DOCK6: variants seen among roughly 807,000 people sequenced by gnomAD.
DOCK6 encodes the protein dedicator of cytokinesis protein 6.
DOCK6 carries 167 observed loss-of-function variants against 230.3 expected under a neutral mutation model. That is an observed-to-expected ratio of 0.73 (90% CI 0.64 to 0.82). The LOEUF (loss-of-function observed/expected upper bound fraction) is 0.82, where lower values mean the gene tolerates loss of function less well. Ranked by LOEUF, DOCK6 falls within the 40% of genes least tolerant of loss-of-function variation. The pLI is 0.00. For synonymous variants in DOCK6, 1,148 were observed against 1,185.0 expected, an observed-to-expected ratio of 0.97 and a Z score of 0.64; for missense variants, 2,598 against 2,825.8, an observed-to-expected ratio of 0.92 and a Z score of 1.83.
At chr19:11,249,374 A>G (rs771180800) in intron 6 of DOCK6, among the ~76,000 whole-genome samples, 7 of 151,604 alleles carry the variant, frequency 4.6e-5, no homozygotes, top group Non-Finnish European at 8.8e-5. Flanking sequence ...AGCCAGGCAT[A>G]GTGGCACGTG....
At chr19:11,241,952 G>A in intron 14 of DOCK6, 93 bp downstream of exon 14, 1 of 1,446,860 alleles carries the variant, frequency 6.9e-7, no homozygotes, top group Non-Finnish European at 9.3e-7. Flanking sequence ...CACCCAGGGT[G>A]TCTGTGTGTG....
chr19:11,207,748 C>G (rs1304719037), intron 39 of DOCK6, among the ~76,000 whole-genome samples: 3 of 151,592 alleles, frequency 2.0e-5, no homozygotes, highest in Non-Finnish European at 4.4e-5. Flanking sequence ...GGAAACATGG[C>G]AAAACCCCGT....
intron 28 of DOCK6, among the ~76,000 whole-genome samples, chr19:11,220,049 G>A (rs1219242465): frequency 6.6e-6 from 1 of 151,806 alleles, no homozygotes; most frequent in Non-Finnish European, 1.5e-5. Flanking sequence ...CATCTCCCAG[G>A]TTCAAGCGAT....
In DOCK6 at chr19:11,246,213, C is replaced by A. The variant is rs553098672; in HGVS notation, c.807-335G>T. Among the ~76,000 whole-genome samples, 158 of 151,844 alleles carry A rather than the reference C, an allele frequency of 1.0e-3. 2 individuals are homozygous for A. The highest frequency in any genetic ancestry group is 3.5e-3 in the African/African-American group (143 of 41,390). On this transcript the variant is annotated intron_variant, in intron 7 of 47. Coordinates refer to ENST00000294618, the MANE Select transcript of DOCK6 (RefSeq NM_020812.4). ...TCCTGAGTAGCTGGGACTACAGGCA[C>A]GTGCCACCATGCCCAGCTAATTTTT...
In DOCK6 at chr19:11,200,395, C is replaced by T. The variant is rs768594454; in HGVS notation, c.6014G>A (p.Arg2005His). Residue 2005 changes from arginine (R) to histidine (H), a missense_variant, in exon 47 of 48, where the codon CGC (arginine) becomes CAC (histidine). By Grantham distance (29) the Arg-to-His change is conservative. Coordinates refer to ENST00000294618, the MANE Select transcript of DOCK6 (RefSeq NM_020812.4). The surrounding 1 kb of genome is among the most constrained non-coding windows in gnomAD (Gnocchi z 4.3). ...DQKEYHRELE[R>H]NYCRLREALQ... ...AGCCTCCCGCAGGCGGCAGTAGTTG[C>T]GCTCCAGCTCACGGTGGTACTCCTT... is the stretch of plus-strand genomic sequence containing the variant. 19 of 1,606,844 alleles carry T rather than the reference C, an allele frequency of 1.2e-5. No homozygotes were observed. Among genetic ancestry groups the T allele is most frequent in the African/African-American group, 6.7e-5 (5 of 74,734 alleles).
chr19:11,206,372 T>A (rs111561637), intron 39 of DOCK6: 5 of 149,644 alleles, frequency 3.3e-5, no homozygotes, highest in Non-Finnish European at 7.4e-5. Flanking sequence ...CTGGGCAACA[T>A]AGCAAGATCC....
rs570332364 is a variant in DOCK6 at position 11,200,091 on chromosome 19, A to G, written c.6101+217T>C. Among the ~76,000 whole-genome samples, 3 of 150,256 alleles carry G rather than the reference A, an allele frequency of 2.0e-5. No individual in the cohort carries two copies. Among genetic ancestry groups the G allele is most frequent in the African/African-American group, 7.3e-5 (3 of 40,874 alleles). ...CTTGAATCTGGGAGGCGGAGGTTGC[A>G]GTGAGCCAAGACTGTGCCAACTGCA... On this transcript the variant is annotated intron_variant, in intron 47 of 47. Transcript: ENST00000294618. The surrounding 1 kb of genome is among the most constrained non-coding windows in gnomAD (Gnocchi z 4.3).
rs185417759 is a variant in DOCK6, at chr19:11,254,049, G to A, written c.45-323C>T. 704 of 264,948 alleles carry A rather than the reference G, an allele frequency of 2.7e-3. 4 individuals are homozygous for A. Among genetic ancestry groups the A allele is most frequent in the African/African-American group, 0.015 (662 of 44,660 alleles). 16.4% of individuals were successfully genotyped at this position (264,948 alleles called of 1,614,324 possible). A position where few individuals can be genotyped will look rare whatever the true frequency, so the allele number is the denominator to read the frequency against. On this transcript the variant is annotated intron_variant, in intron 1 of 47. Transcript: ENST00000294618. ...GTCCCTGGCCTCTGCTCCCTCATCT[G>A]GGGGACCTCTGTCCATCCTGCTGTT... is the stretch of plus-strand genomic sequence containing the variant.
rs2079305932 is a variant in DOCK6 at position 11,208,674 on chromosome 19, C to T, written c.5088+12G>A. 6.2e-7 allele frequency: 1 copy of T among 1,607,480 alleles called. No individual in the cohort carries two copies. Among genetic ancestry groups the T allele is most frequent in the Admixed American group, 1.7e-5 (1 of 59,876 alleles). On this transcript the variant is annotated intron_variant, in intron 39 of 47. Coordinates refer to ENST00000294618, the MANE Select transcript of DOCK6 (RefSeq NM_020812.4). ...GAGCCCCCTCTCCTGCACCCAGTCC[C>T]CAAGGCCTCACCATGGTGAAGTAGC...
Position 11,200,927 on chromosome 19 carries a change from T to G in DOCK6, c.5814A>C (p.Val1938=). The change falls in exon 45 of 48, where the codon GTA becomes GTC. Residue 1938 remains valine, a synonymous_variant. Coordinates refer to ENST00000294618, the MANE Select transcript of DOCK6 (RefSeq NM_020812.4). This position sits in a 1 kb window ranked among gnomAD's most constrained non-coding sequence, Gnocchi z 4.3. The part of the protein sequence containing the change: ...KMLQMVLQGS[V]GPTVNQGPLE... ...GCCGTGCCTGGTTCACGGTGGGCCC[T>G]ACAGAGCCCTGAAGCACCATCTGTA... is the stretch of plus-strand genomic sequence containing the variant. 6.2e-7 allele frequency: 1 copy of G among 1,613,742 alleles called. No homozygotes were observed. Among genetic ancestry groups the G allele is most frequent in the Non-Finnish European group, 8.5e-7 (1 of 1,179,808 alleles).
chr19:11,226,785 A>G (rs536643776), intron 24 of DOCK6, among the ~76,000 whole-genome samples: 1 of 152,338 alleles, frequency 6.6e-6, no homozygotes, highest in Admixed American at 6.5e-5. Flanking sequence ...CCCTGAGGGC[A>G]TTGGAATTGG....
Position 11,208,682 on chromosome 19 carries a change from T to A in DOCK6, c.5088+4A>T. On this transcript the variant is annotated splice_donor_region_variant and intron_variant, in intron 39 of 47. Transcript: ENST00000294618. ...TCTCCTGCACCCAGTCCCCAAGGCC[T>A]CACCATGGTGAAGTAGCCGGCTGCC... 6.2e-7 allele frequency: 1 copy of A among 1,609,158 alleles called. No homozygotes were observed. Among genetic ancestry groups the A allele is most frequent in the Non-Finnish European group, 8.5e-7 (1 of 1,176,202 alleles).
intron 41 of DOCK6, chr19:11,203,391 G>C (rs961643153): frequency 1.3e-5 from 2 of 155,278 alleles, no homozygotes; most frequent in Admixed American, 6.3e-5. Flanking sequence ...CAACCCCCAG[G>C]GTCCTGGTTA....
intron 2 of DOCK6, 95 bp from the exon 3 acceptor site, chr19:11,253,053 A>C: frequency 1.6e-6 from 2 of 1,259,902 alleles, no homozygotes; most frequent in Non-Finnish European, 2.2e-6. Context: ...TCAAACTCAA[A>C]TAGGAGGGCG....
In DOCK6 at chr19:11,238,013, C is replaced by T. The variant is rs764834120; in HGVS notation, c.1832+32G>A. 3.7e-6 allele frequency: 6 copies of T among 1,611,276 alleles called. No individual in the cohort carries two copies. In the Admixed American group the frequency reaches 5.0e-5, roughly 13 times the overall value. On this transcript the variant is annotated intron_variant, in intron 16 of 47. Transcript: ENST00000294618. ...GGACATCCTCCTACCCCCATGAGTGCCCCCAAGTTCCTCACGTGTCCCCCT... is the reference window on the plus strand; with the variant it reads ...GGACATCCTCCTACCCCCATGAGTGTCCCCAAGTTCCTCACGTGTCCCCCT...
At position 11,235,700 on chromosome 19, in the gene DOCK6, T is replaced by C. The variant is rs755278892; in HGVS notation, c.2452A>G (p.Ser818Gly). 3.1e-6 allele frequency: 5 copies of C among 1,601,106 alleles called. No individual in the cohort carries two copies. The highest frequency in any genetic ancestry group is 1.1e-5 in the South Asian group (1 of 88,352). The change falls in exon 21 of 48, where the codon AGC becomes GGC. Residue 818 changes from serine (S) to glycine (G), a missense_variant. Transcript: ENST00000294618. ...MAHVVSLVHR[S>G]LEAAQDARGH... ...CGGGCATCCTGGGCTGCCTCCAGGC[T>C]CCGGTGAACAAGGCTGACTACATGG...
Position 11,199,396 on chromosome 19 carries a change from A to G in DOCK6, c.*101T>C. 1 of 1,397,588 alleles carries G rather than the reference A, an allele frequency of 7.2e-7. No homozygotes were observed. The highest frequency in any genetic ancestry group is 1.2e-5 in the South Asian group (1 of 80,674). The allele number at this position is 1,397,588 out of a possible 1,614,324, so 86.6% of individuals were successfully genotyped here. ...GCCCAGCCCCAAGTACAGTGTGGTC[A>G]CCCCACAGCCCAGTGGGCACCAGGG... On this transcript the variant is annotated 3_prime_UTR_variant, in exon 48 of 48. Transcript: ENST00000294618.
rs1018062679 is a variant in DOCK6 at position 11,252,538 on chromosome 19, G to A, written c.321C>T (p.Ala107=). The A allele has an allele frequency of 1.9e-6, 3 of 1,613,694 alleles. No homozygotes were observed. The highest frequency in any genetic ancestry group is 2.7e-5 in the African/African-American group (2 of 74,874). ...PGIPKDEKLD[A]QVRAAVEMYI... ...ACATCTCCACCGCGGCCCTCACCTG[G>A]GCATCCAGTTTTCTGCAGCAAAAGA... is the stretch of plus-strand genomic sequence containing the variant. Residue 107 remains alanine, a synonymous_variant, in exon 4 of 48, where the codon GCC becomes GCT. Transcript: ENST00000294618.
At chr19:11,238,156 T>TA (rs2079881210) in intron 15 of DOCK6, 31 bp downstream of exon 15, 5 of 1,613,370 alleles carry the variant, frequency 3.1e-6, no homozygotes, top group Non-Finnish European at 4.2e-6. Context: ...GGGGATGCCC[T>TA]ACCCCCCTTC....
Sources: gnomAD v4.1 joint callset for allele counts (sites outside exome capture counted in the v4.1 genomes callset) on GRCh38, gnomAD v4.1.1 for gene constraint, Gnocchi (gnomAD v3.1) non-coding constraint, MANE v1.5 for transcripts, NCBI Gene and HGNC (gene_info 2026-07-23, HGNC 2026-07-21) for gene names.